Variants in CADPS observed in about 807,000 individuals in gnomAD.
CADPS encodes the protein calcium-dependent secretion activator 1.
CADPS carries 57 observed loss-of-function variants against 167.3 expected under a neutral mutation model. The observed-to-expected ratio is 0.34, with a 90% confidence interval of 0.28 to 0.42. The LOEUF (loss-of-function observed/expected upper bound fraction) is 0.42. CADPS is among the 20% of genes least tolerant of loss of function. The pLI, the probability that CADPS is intolerant of heterozygous loss-of-function variation, is 1.00. For missense variants in CADPS, 1,414 were observed against 1,738.1 expected (o/e 0.81, Z 3.32); for synonymous variants, 676 against 635.3 (o/e 1.06, Z -0.96).
intron 1 of CADPS, among the ~76,000 whole-genome samples, chr3:62,812,854 A>G (rs964175985): frequency 6.6e-6 from 1 of 152,152 alleles, no homozygotes; most frequent in African/African-American, 2.4e-5. Flanking sequence ...CCTTTTAGTT[A>G]GTGACCCTCC....
chr3:62,644,932 CT>C (rs2150052539), intron 6 of CADPS, among the ~76,000 whole-genome samples: 1 of 152,278 alleles, frequency 6.6e-6, no homozygotes, highest in East Asian at 1.9e-4. Context: ...CCCCATGAAA[CT>C]GTGAGCTGTG....
chr3:62,421,885 T>A lies in CADPS; in HGVS notation c.3777+16219A>T, dbSNP rs1289304114. On this transcript the variant is annotated intron_variant, in intron 28 of 29. Coordinates refer to ENST00000383710, the MANE Select transcript of CADPS (RefSeq NM_003716.4). This position sits in a 1 kb window ranked among gnomAD's most constrained non-coding sequence, Gnocchi z 4.7. The stretch of plus-strand genomic sequence containing the variant: ...AAAAAGAAAAGCCGAGGGCAGAAAA[T>A]AGTATTACGCCACGAATGTCTTGGA... Among the ~76,000 whole-genome samples the A allele has an allele frequency of 1.3e-5, 2 of 152,148 alleles. No individual in the cohort carries two copies. The highest frequency in any genetic ancestry group is 2.9e-5 in the Non-Finnish European group (2 of 68,018).
chr3:62,817,399 CAT>C (rs1157398032), intron 1 of CADPS, among the ~76,000 whole-genome samples: 1 of 152,170 alleles, frequency 6.6e-6, no homozygotes, highest in Non-Finnish European at 1.5e-5. Context: ...TCAACACTGT[CAT>C]ATGAGATACA....
At chr3:62,677,488 G>A (rs561010960) in intron 3 of CADPS, among the ~76,000 whole-genome samples, 29 of 152,068 alleles carry the variant, frequency 1.9e-4, no homozygotes, top group African/African-American at 4.6e-4. Context: ...GACATTTTTC[G>A]TTGTCACAAT....
At chr3:62,510,991 C>T (rs2067695935) in intron 17 of CADPS, among the ~76,000 whole-genome samples, 1 of 152,168 alleles carries the variant, frequency 6.6e-6, no homozygotes, top group African/African-American at 2.4e-5. Context: ...CAGTTCTACC[C>T]TATTCCCTCT....
At position 62,570,853 on chromosome 3, in the gene CADPS, G is replaced by C; in HGVS notation, c.1644+19C>G. 1 of 1,524,520 alleles carries C rather than the reference G, an allele frequency of 6.6e-7. No homozygotes were observed. The highest frequency in any genetic ancestry group is 1.4e-5 in the African/African-American group (1 of 73,348). The allele number at this position is 1,524,520 out of a possible 1,614,324, so 94.4% of individuals were successfully genotyped here. A position where few individuals can be genotyped will look rare whatever the true frequency, so the allele number is the denominator to read the frequency against. Reference sequence around the variant, plus strand: ...AATCTTTAATACTGATGTCTCTTAAGAGTTGAAGAGTTAGTTACCTGCACC... The same window carrying C: ...AATCTTTAATACTGATGTCTCTTAACAGTTGAAGAGTTAGTTACCTGCACC... On this transcript the variant is annotated intron_variant, in intron 9 of 29. Transcript: ENST00000383710.
At chr3:62,732,220 A>T (rs1373915291) in intron 3 of CADPS, among the ~76,000 whole-genome samples, 2 of 152,214 alleles carry the variant, frequency 1.3e-5, no homozygotes, top group Non-Finnish European at 2.9e-5. Flanking sequence ...AATCAGATAC[A>T]GCAAAAGCCG....
In CADPS at chr3:62,607,897, A is replaced by T. The variant is rs76457110; in HGVS notation, c.1326-15149T>A. Among the ~76,000 whole-genome samples the T allele has an allele frequency of 8.6e-3, 1,304 of 152,318 alleles. 12 individuals are homozygous for T. The highest frequency in any genetic ancestry group is 0.03 in the African/African-American group (1,240 of 41,578). The stretch of plus-strand genomic sequence containing the variant: ...ATGAATGCCAGGAATCTCAAAAGGA[A>T]ATGATGAATGAGGCCAGCTGGCTAA... On this transcript the variant is annotated intron_variant, in intron 6 of 29. Transcript: ENST00000383710.
intron 3 of CADPS, among the ~76,000 whole-genome samples, chr3:62,703,218 T>G (rs936281103): frequency 1.3e-5 from 2 of 152,174 alleles, no homozygotes; most frequent in African/African-American, 4.8e-5. Flanking sequence ...TTCAACTCTT[T>G]GAGAAATCTA....
intron 3 of CADPS, among the ~76,000 whole-genome samples, chr3:62,722,610 T>A (rs2152000521): frequency 6.6e-6 from 1 of 152,342 alleles, no homozygotes; most frequent in South Asian, 2.1e-4. Context: ...TTTGCTCCAC[T>A]GAGGAAAATC....
intron 1 of CADPS, among the ~76,000 whole-genome samples, chr3:62,806,011 A>T (rs2094069769): frequency 6.6e-6 from 1 of 151,952 alleles, no homozygotes; most frequent in South Asian, 2.1e-4. Context: ...TCCATCCCTT[A>T]TGGCTTTTCC....
chr3:62,867,065 ACT>A (rs2081834955), intron 1 of CADPS, among the ~76,000 whole-genome samples: 1 of 151,966 alleles, frequency 6.6e-6, no homozygotes, highest in Non-Finnish European at 1.5e-5. Flanking sequence ...CTTAGAATTT[ACT>A]CTCTACACAA....
chr3:62,854,057 T>C (rs1354567574), intron 1 of CADPS, among the ~76,000 whole-genome samples: 1 of 152,164 alleles, frequency 6.6e-6, no homozygotes, highest in Non-Finnish European at 1.5e-5. Context: ...CTACTGCCGC[T>C]CCATTCCCTA....
intron 28 of CADPS, among the ~76,000 whole-genome samples, chr3:62,410,446 T>G (rs1223445216): frequency 2.6e-5 from 4 of 152,182 alleles, no homozygotes; most frequent in Non-Finnish European, 4.4e-5. Context: ...ACTTCACAGA[T>G]GAGGAAACTG....
rs2058970169 is a variant in CADPS at position 62,458,556 on chromosome 3, T to C, written c.3636+6811A>G. On this transcript the variant is annotated intron_variant, in intron 26 of 29. Transcript: ENST00000383710. This position sits in a 1 kb window ranked among gnomAD's most constrained non-coding sequence, Gnocchi z 4.6. The stretch of plus-strand genomic sequence containing the variant: ...CAGGCTGGAGTGAAGTGGCACGATT[T>C]CAGCTCACTACAACCTCCGCCTCCC... 6.6e-6 allele frequency among the ~76,000 whole-genome samples: 1 copy of C among 152,164 alleles called. No homozygotes were observed. The highest frequency in any genetic ancestry group is 6.5e-5 in the Admixed American group (1 of 15,280).
At chr3:62,778,698 G>C (rs1479102699) in intron 1 of CADPS, among the ~76,000 whole-genome samples, 1 of 152,090 alleles carries the variant, frequency 6.6e-6, no homozygotes, top group East Asian at 1.9e-4. Context: ...TAGAAACCCA[G>C]GTATGTACAA....
intron 1 of CADPS, among the ~76,000 whole-genome samples, chr3:62,860,421 C>T (rs965444765): frequency 5.3e-5 from 8 of 152,258 alleles, no homozygotes; most frequent in Non-Finnish European, 1.0e-4. Context: ...GAGATTGGTT[C>T]TAGGACCATC....
chr3:62,704,389 T>C (rs1216879942), intron 3 of CADPS, among the ~76,000 whole-genome samples: 1 of 152,136 alleles, frequency 6.6e-6, no homozygotes, highest in African/African-American at 2.4e-5. Context: ...TATAATCATG[T>C]GAGTATAAAT....
intron 1 of CADPS, among the ~76,000 whole-genome samples, chr3:62,800,928 C>A (rs1210320398): frequency 6.6e-6 from 1 of 152,044 alleles, no homozygotes; most frequent in East Asian, 1.9e-4. Context: ...TATACAAAAC[C>A]CTTATTTTCC....
Sources: allele counts gnomAD v4.1 joint callset (sites outside exome capture counted in the v4.1 genomes callset), GRCh38; gene constraint gnomAD v4.1.1; non-coding constraint Gnocchi (gnomAD v3.1); transcripts MANE v1.5; gene names NCBI Gene and HGNC (gene_info 2026-07-23, HGNC 2026-07-21).